Variants in JAK1 observed in about 807,000 individuals in gnomAD.
JAK1 encodes the protein tyrosine-protein kinase JAK1.
JAK1 carries 16 observed loss-of-function variants against 136.6 expected under a neutral mutation model. The observed-to-expected ratio is 0.12, with a 90% CI of 0.08 to 0.18. The LOEUF (loss-of-function observed/expected upper bound fraction) is 0.18, where lower values mean the gene tolerates loss of function less well. JAK1 is among the 10% of genes least tolerant of loss of function. The probability of loss-of-function intolerance (pLI) is 1.00; values close to 1 mark genes in which losing one functional copy is unlikely to be tolerated. For missense variants in JAK1, 859 were observed against 1,450.1 expected (o/e 0.59, Z 6.62); for synonymous variants, 492 against 519.5 (o/e 0.95, Z 0.72).
At chr1:65,057,386 T>G (rs1380574053) in intron 1 of JAK1, among the ~76,000 whole-genome samples, 4 of 152,006 alleles carry the variant, frequency 2.6e-5, no homozygotes, top group Non-Finnish European at 5.9e-5. Flanking sequence ...AAGATGGAGG[T>G]TGAAGATGTG....
At chr1:65,063,668 G>T (rs1463277527) in intron 1 of JAK1, among the ~76,000 whole-genome samples, 6 of 152,010 alleles carry the variant, frequency 3.9e-5, no homozygotes, top group Non-Finnish European at 8.8e-5. Flanking sequence ...TGCCGGGCGT[G>T]GTGGCACACA....
At chr1:65,054,950 A>G (rs774314379) in intron 1 of JAK1, among the ~76,000 whole-genome samples, 4 of 152,210 alleles carry the variant, frequency 2.6e-5, no homozygotes, top group Non-Finnish European at 5.9e-5. Context: ...ACTAAGGGAG[A>G]GCAGAGAAAT....
At chr1:64,845,290 C>G (rs1461717675) in intron 15 of JAK1, among the ~76,000 whole-genome samples, 1 of 152,160 alleles carries the variant, frequency 6.6e-6, no homozygotes, top group Non-Finnish European at 1.5e-5. Flanking sequence ...CTCTGACGTG[C>G]TAACATTTCC....
At chr1:64,838,216 A>AT in intron 21 of JAK1, 112 bp from the exon 22 acceptor site, 2 of 1,175,510 alleles carry the variant, frequency 1.7e-6, no homozygotes, top group Non-Finnish European at 2.4e-6. Flanking sequence ...ATCACTGACA[A>AT]TTTTTTTGGT....
intron 1 of JAK1, among the ~76,000 whole-genome samples, chr1:64,910,345 A>AG (rs1645262092): frequency 1.3e-5 from 2 of 152,224 alleles, no homozygotes; most frequent in East Asian, 3.8e-4. Flanking sequence ...GGTCAAAAAA[A>AG]AAGCAGGGGA....
Position 64,860,925 on chromosome 1 carries a change from G to T in JAK1, c.1177-663C>A. Among the ~76,000 whole-genome samples, 2 of 85,706 alleles carry T rather than the reference G, an allele frequency of 2.3e-5. 1 individual carries two copies. The highest frequency in any genetic ancestry group is 4.6e-5 in the Non-Finnish European group (2 of 43,112). The allele number at this position is 85,706 out of a possible 152,430, so 56.2% of individuals were successfully genotyped here. A position where few individuals can be genotyped will look rare whatever the true frequency, so the allele number is the denominator to read the frequency against. ...AGACATGCAGAGAAGCTGTCCCCTG[G>T]GTCCGTGTGTGTGTGTGTGTGTGTG... On this transcript the variant is annotated intron_variant, in intron 8 of 24. Coordinates refer to ENST00000342505, the MANE Select transcript of JAK1 (RefSeq NM_002227.4).
At chr1:64,954,903 T>C (rs1480481830) in intron 1 of JAK1, among the ~76,000 whole-genome samples, 3 of 152,230 alleles carry the variant, frequency 2.0e-5, no homozygotes, top group Non-Finnish European at 2.9e-5. Context: ...TTTCTCTTTA[T>C]ATAAAAGAAA....
At chr1:64,838,238 T>A in intron 21 of JAK1, 134 bp from the exon 22 acceptor site, 2 of 988,052 alleles carry the variant, frequency 2.0e-6, no homozygotes, top group Non-Finnish European at 1.5e-6. Flanking sequence ...CTGACTTTTA[T>A]GCAAGAATAT....
At position 64,984,511 on chromosome 1, in the gene JAK1, T is replaced by C; in HGVS notation, c.-78+59969A>G. 3.5e-6 allele frequency: 1 copy of C among 282,788 alleles called. No individual in the cohort carries two copies. The highest frequency in any genetic ancestry group is 5.9e-5 in the South Asian group (1 of 17,070). The allele number at this position is 282,788 out of a possible 1,614,324, so 17.5% of individuals were successfully genotyped here. A position where few individuals can be genotyped will look rare whatever the true frequency, so the allele number is the denominator to read the frequency against. ...GGGAGAAAGGAATCAAGTAGCAGCA[T>C]TCAGAAGCAGCCCTGGGTTCATCCT... On this transcript the variant is annotated intron_variant, in intron 2 of 25. Transcript: ENST00000671954. The surrounding 1 kb of genome is among the most constrained non-coding windows in gnomAD (Gnocchi z 4.1).
At chr1:64,985,806 A>G in intron 2 of JAK1, 1 of 632,102 alleles carries the variant, frequency 1.6e-6, no homozygotes, top group Non-Finnish European at 2.9e-6. Context: ...CAACAGGTTG[A>G]CAGTAAGCAT....
chr1:65,035,760 T>C (rs1025110297), intron 2 of JAK1, among the ~76,000 whole-genome samples: 1 of 152,014 alleles, frequency 6.6e-6, no homozygotes, highest in Non-Finnish European at 1.5e-5. Context: ...GAAATAATCA[T>C]AGCAACATAA....
intron 2 of JAK1, chr1:64,974,317 T>A (rs1161006165): frequency 6.6e-6 from 1 of 152,224 alleles, no homozygotes; most frequent in African/African-American, 2.4e-5. Context: ...GATGAGTAGT[T>A]AAGGTAACTT....
Position 64,844,112 on chromosome 1 carries a change from T to A in JAK1, c.2355A>T (p.Glu785Asp). The change falls in exon 17 of 25, where the codon GAA (glutamate) becomes GAT (aspartate). Residue 785 changes from glutamate to aspartate, a missense_variant. Glu to Asp is a conservative substitution (Grantham distance 45). This residue lies in a region of JAK1 where 409 missense variants were observed against 753.8 expected (regional missense o/e 0.54). Transcript: ENST00000342505. The surrounding 1 kb of genome is among the most constrained non-coding windows in gnomAD (Gnocchi z 5.7). ...DKWSFGTTLW[E>D]ICYNGEIPLK... ...AGGGGATCTCGCCATTGTAGCAGATTTCCCAGAGCGTGGTTCCAAAGCTCC... is the reference window on the plus strand; with the variant it reads ...AGGGGATCTCGCCATTGTAGCAGATATCCCAGAGCGTGGTTCCAAAGCTCC... 6.2e-7 allele frequency: 1 copy of A among 1,614,212 alleles called. No individual in the cohort carries two copies. The highest frequency in any genetic ancestry group is 1.1e-5 in the South Asian group (1 of 91,082).
chr1:64,877,152 T>G (rs1403087454), intron 4 of JAK1, among the ~76,000 whole-genome samples: 2 of 152,186 alleles, frequency 1.3e-5, no homozygotes, highest in African/African-American at 4.8e-5. Context: ...TCAAAAGCAT[T>G]ATCTAAAAAC....
chr1:65,062,482 G>T (rs1321067937), intron 1 of JAK1, among the ~76,000 whole-genome samples: 1 of 152,080 alleles, frequency 6.6e-6, no homozygotes, highest in African/African-American at 2.4e-5. Flanking sequence ...TCCCTTAATG[G>T]ACAGCTAAAG....
Position 64,847,583 on chromosome 1 carries a change from C to G in JAK1, c.1848G>C (p.Lys616Asn). 6.2e-7 allele frequency: 1 copy of G among 1,614,134 alleles called. No individual in the cohort carries two copies. The highest frequency in any genetic ancestry group is 8.5e-7 in the Non-Finnish European group (1 of 1,180,010). The change falls in exon 13 of 25, where the codon AAG (lysine) becomes AAC (asparagine). Residue 616 changes from lysine to asparagine, a missense_variant. By Grantham distance (94) the Lys-to-Asn change is moderately conservative. This residue lies in a region of JAK1 where 409 missense variants were observed against 753.8 expected (regional missense o/e 0.54). Coordinates refer to ENST00000342505, the MANE Select transcript of JAK1 (RefSeq NM_002227.4). ...CTAAGACTTTGAGGATCACTTTTATCTTCTTCTCTTCAGAAGTTCCTTCGT... is the reference window on the plus strand; with the variant it reads ...CTAAGACTTTGAGGATCACTTTTATGTTCTTCTCTTCAGAAGTTCCTTCGT... Reference protein sequence around the residue: ...KDDEGTSEEKKIKVILKVLDP... With the variant: ...KDDEGTSEEKNIKVILKVLDP...
At chr1:64,977,458 T>C (rs796942115) in intron 2 of JAK1, among the ~76,000 whole-genome samples, 21 of 151,658 alleles carry the variant, frequency 1.4e-4, no homozygotes, top group African/African-American at 4.8e-4. Flanking sequence ...AGCCATCTTT[T>C]TTTTTTTTTT....
chr1:64,971,562 CTTT>C (rs34048219), intron 2 of JAK1, among the ~76,000 whole-genome samples: 1 of 144,426 alleles, frequency 6.9e-6, no homozygotes, highest in Non-Finnish European at 1.5e-5. Context: ...CTCTGTCATA[CTTT>C]TTTTTTTTTT....
intron 1 of JAK1, among the ~76,000 whole-genome samples, chr1:65,064,930 T>C (rs1647974196): frequency 6.6e-6 from 1 of 152,200 alleles, no homozygotes; most frequent in African/African-American, 2.4e-5. Context: ...TATTTATCAT[T>C]CAGTGGTCTA....
Sources: gnomAD v4.1 joint callset for allele counts (sites outside exome capture counted in the v4.1 genomes callset) on GRCh38, gnomAD v4.1.1 for gene constraint, gnomAD v4.1.1 regional missense constraint, Gnocchi (gnomAD v3.1) non-coding constraint, MANE v1.5 for transcripts, NCBI Gene and HGNC (gene_info 2026-07-23, HGNC 2026-07-21) for gene names.